Variants in CCDC88C observed in about 807,000 individuals in gnomAD.
CCDC88C encodes coiled-coil and HOOK domain protein 88C.
Under a neutral mutation model 198.8 loss-of-function variants are expected in CCDC88C, and 131 were observed. The ratio of observed to expected loss-of-function variants is 0.66; its 90% confidence interval spans 0.57 to 0.76. CCDC88C has a LOEUF of 0.76. Ranked by LOEUF, CCDC88C falls within the 30% of genes least tolerant of loss-of-function variation. CCDC88C has a pLI of 0.00. For missense variants in CCDC88C, 2,553 were observed against 2,631.6 expected (o/e 0.97, Z 0.65); for synonymous variants, 1,166 against 1,114.7 (o/e 1.05, Z -0.92).
chr14:91,401,486 C>T (rs1371184626), intron 3 of CCDC88C, among the ~76,000 whole-genome samples: 3 of 151,260 alleles, frequency 2.0e-5, no homozygotes, highest in Non-Finnish European at 4.4e-5. Flanking sequence ...AGTCGCCCAC[C>T]ACCACACCAG....
chr14:91,413,161 G>C (rs1886873145), intron 2 of CCDC88C, among the ~76,000 whole-genome samples: 2 of 152,124 alleles, frequency 1.3e-5, no homozygotes, highest in African/African-American at 2.4e-5. Flanking sequence ...CGTCAAACCG[G>C]ATGGTTTACT....
intron 12 of CCDC88C, among the ~76,000 whole-genome samples, chr14:91,321,894 G>C (rs1008194818): frequency 6.6e-6 from 1 of 152,142 alleles, no homozygotes; most frequent in Non-Finnish European, 1.5e-5. Flanking sequence ...TTCTAAATGA[G>C]ATGAAAAATA....
Position 91,371,184 on chromosome 14 carries a change from G to A in CCDC88C, c.271-11473C>T, listed in dbSNP as rs182879122. 3.3e-5 allele frequency among the ~76,000 whole-genome samples: 5 copies of A among 152,230 alleles called. No homozygotes were observed. Among genetic ancestry groups the A allele is most frequent in the African/African-American group, 7.2e-5 (3 of 41,522 alleles). ...GCTCCAGTGCTTGGAGTTGATATAA[G>A]GGCCCTGATTTTATGGCCGTGAGGG... On this transcript the variant is annotated intron_variant, in intron 3 of 29. Coordinates refer to ENST00000389857, the MANE Select transcript of CCDC88C (RefSeq NM_001080414.4). This position sits in a 1 kb window ranked among gnomAD's most constrained non-coding sequence, Gnocchi z 4.2.
rs1013738882 is a variant in CCDC88C, at chr14:91,408,243, C to A, written c.270+416G>T. ...TTCTTGGTCCCATCTTCATAACCCT[C>A]CAGTGGTTCCTCCTCTCCCTCAACC... On this transcript the variant is annotated intron_variant, in intron 3 of 29. Coordinates refer to ENST00000389857, the MANE Select transcript of CCDC88C (RefSeq NM_001080414.4). 4.3e-5 allele frequency: 8 copies of A among 188,220 alleles called. No individual in the cohort carries two copies. The Admixed American group carries it at 4.4e-4, about 10-fold the overall frequency. The allele number at this position is 188,220 out of a possible 1,614,324, so 11.7% of individuals were successfully genotyped here.
chr14:91,275,852 C>T (rs559576270), intron 29 of CCDC88C, among the ~76,000 whole-genome samples: 13 of 89,174 alleles, frequency 1.5e-4, no homozygotes, highest in South Asian at 3.9e-4. Flanking sequence ...GACGGAGTTT[C>T]GCTCTGTCGC....
At position 91,272,934 on chromosome 14, in the gene CCDC88C, G is replaced by A. The variant is rs928638381; in HGVS notation, c.5778C>T (p.Leu1926=). The stretch of plus-strand genomic sequence containing the variant: ...GGGCTGCAGCAGGTGAGAAGTGCAG[G>A]AGCTGGGAGTTGCTGCCACTGCCAG... The part of the protein sequence containing the change: ...AAAGSGSNSQ[L]LHFSPAAAPA... Residue 1926 remains leucine, a synonymous_variant, in exon 30 of 30, where the codon CTC becomes CTT. Transcript: ENST00000389857. 3 of 1,567,272 alleles carry A rather than the reference G, an allele frequency of 1.9e-6. No individual in the cohort carries two copies. Among genetic ancestry groups the A allele is most frequent in the Non-Finnish European group, 1.7e-6 (2 of 1,161,302 alleles).
At chr14:91,331,861 CTG>C (rs1892843310) in intron 10 of CCDC88C, among the ~76,000 whole-genome samples, 1 of 152,188 alleles carries the variant, frequency 6.6e-6, no homozygotes. Context: ...TGGGTATAGA[CTG>C]TGCCCAGCTA....
intron 3 of CCDC88C, chr14:91,378,522 G>A (rs1234422665): frequency 1.3e-5 from 2 of 152,574 alleles, no homozygotes; most frequent in African/African-American, 2.4e-5. Flanking sequence ...CCCACCAGCT[G>A]AAACAAAGGC....
At chr14:91,400,773 G>A (rs1886125624) in intron 3 of CCDC88C, among the ~76,000 whole-genome samples, 1 of 152,162 alleles carries the variant, frequency 6.6e-6, no homozygotes, top group African/African-American at 2.4e-5. Flanking sequence ...GAACACAAAT[G>A]GGTAACTGAC....
intron 12 of CCDC88C, 43 bp from the exon 13 acceptor site, chr14:91,321,347 C>T (rs1361154434): frequency 1.3e-6 from 2 of 1,534,098 alleles, no homozygotes; most frequent in Admixed American, 2.0e-5. Flanking sequence ...CTGTGGGCCT[C>T]CACTTCCACT....
chr14:91,287,447 C>T (rs1305394957), intron 25 of CCDC88C, among the ~76,000 whole-genome samples: 1 of 152,062 alleles, frequency 6.6e-6, no homozygotes, highest in African/African-American at 2.4e-5. Flanking sequence ...ACCTCCTGGG[C>T]TCAAGTCGAC....
chr14:91,351,169 T>C (rs566678178), intron 4 of CCDC88C, among the ~76,000 whole-genome samples: 2 of 152,350 alleles, frequency 1.3e-5, no homozygotes, highest in African/African-American at 4.8e-5. Context: ...ACGGCACGTA[T>C]GTGTGCTTAC....
intron 28 of CCDC88C, among the ~76,000 whole-genome samples, chr14:91,278,462 AGG>A: frequency 6.6e-6 from 1 of 152,224 alleles, no homozygotes; most frequent in East Asian, 1.9e-4. Context: ...ACTGGCTGTA[AGG>A]CACTGCCCTT....
chr14:91,404,971 A>AG (rs1231459030), intron 3 of CCDC88C, among the ~76,000 whole-genome samples: 1 of 151,638 alleles, frequency 6.6e-6, no homozygotes, highest in Non-Finnish European at 1.5e-5. Flanking sequence ...TCTCAAAAAA[A>AG]AAAAAAAGAG....
At chr14:91,289,467 G>T in intron 24 of CCDC88C, 124 bp from the exon 25 acceptor site, 1 of 833,680 alleles carries the variant, frequency 1.2e-6, no homozygotes, top group Non-Finnish European at 2.1e-6. Context: ...CTCACGTGGG[G>T]TTCAGGACAA....
chr14:91,358,151 G>A (rs533272132), intron 4 of CCDC88C, among the ~76,000 whole-genome samples: 2 of 152,322 alleles, frequency 1.3e-5, no homozygotes, highest in South Asian at 2.1e-4. Context: ...TCTCAGGGCG[G>A]TGGCACTAAA....
At position 91,417,820 on chromosome 14, in the gene CCDC88C, C is replaced by A; in HGVS notation, c.-130G>T. On this transcript the variant is annotated 5_prime_UTR_variant, in exon 1 of 30. Coordinates refer to ENST00000389857, the MANE Select transcript of CCDC88C (RefSeq NM_001080414.4). ...GCGGCTCGCGCCCGGGAGACAAAGG[C>A]GGGGCGCGCGAGCCCACGTTCCGCG... 2.5e-6 allele frequency: 1 copy of A among 402,314 alleles called. No homozygotes were observed. The highest frequency in any genetic ancestry group is 3.6e-6 in the Non-Finnish European group (1 of 276,752). 24.9% of individuals were successfully genotyped at this position (402,314 alleles called of 1,614,324 possible). A position where few individuals can be genotyped will look rare whatever the true frequency, so the allele number is the denominator to read the frequency against.
chr14:91,281,734 C>A (rs566684746), intron 26 of CCDC88C, among the ~76,000 whole-genome samples: 2 of 152,220 alleles, frequency 1.3e-5, no homozygotes, highest in South Asian at 2.1e-4. Flanking sequence ...GATTCCCATC[C>A]CCTTTAAATC....
chr14:91,390,174 G>A lies in CCDC88C; in HGVS notation c.270+18485C>T, dbSNP rs867345349. 7.2e-5 allele frequency among the ~76,000 whole-genome samples: 11 copies of A among 152,132 alleles called. No individual in the cohort carries two copies. The East Asian group carries it at 1.3e-3, about 19-fold the overall frequency. ...CCATGGTTACTTTGTTCCCTCAGTG[G>A]AGCAAGTTGCTACTTTCAAGGCGGG... On this transcript the variant is annotated intron_variant, in intron 3 of 29. Coordinates refer to ENST00000389857, the MANE Select transcript of CCDC88C (RefSeq NM_001080414.4).
Sources: gnomAD v4.1 joint callset for allele counts (sites outside exome capture counted in the v4.1 genomes callset) on GRCh38, gnomAD v4.1.1 for gene constraint, Gnocchi (gnomAD v3.1) non-coding constraint, MANE v1.5 for transcripts, NCBI Gene and HGNC (gene_info 2026-07-23, HGNC 2026-07-21) for gene names.